The following KIRREL3 variants were observed in gnomAD, a reference collection of about 807,000 sequenced individuals.
The protein encoded by KIRREL3 is kin of IRRE-like protein 3.
Under a neutral mutation model 89.7 loss-of-function variants are expected in KIRREL3, and 36 were observed. The ratio of observed to expected loss-of-function variants is 0.40; its 90% CI spans 0.31 to 0.53. KIRREL3 has a LOEUF of 0.53. Ranked by LOEUF, KIRREL3 falls within the 20% of genes least tolerant of loss-of-function variation. The probability of loss-of-function intolerance (pLI) is 0.49; values close to 1 mark genes in which losing one functional copy is unlikely to be tolerated. For synonymous variants in KIRREL3, 445 were observed against 441.4 expected (o/e 1.01, Z -0.10); for missense variants, 864 against 1,056.6 (o/e 0.82, Z 2.53).
At chr11:126,554,032 G>A (rs747264701) in intron 2 of KIRREL3, among the ~76,000 whole-genome samples, 40 of 152,084 alleles carry the variant, frequency 2.6e-4, no homozygotes, top group Non-Finnish European at 4.0e-4. Context: ...CGTGTTGATC[G>A]AATCCAGCAG....
chr11:126,545,500 G>A (rs1290178803), intron 2 of KIRREL3, among the ~76,000 whole-genome samples: 2 of 152,096 alleles, frequency 1.3e-5, no homozygotes, highest in Admixed American at 6.6e-5. Flanking sequence ...GCCAGGCACG[G>A]TGGCCCACGC....
In KIRREL3 at chr11:126,890,822, C is replaced by T. The variant is rs530050690; in HGVS notation, c.55+109633G>A. 5.1e-4 allele frequency among the ~76,000 whole-genome samples: 77 copies of T among 152,220 alleles called. No homozygotes were observed. Among genetic ancestry groups the T allele is most frequent in the Non-Finnish European group, 7.3e-4 (50 of 68,046 alleles). ...GCCCAGCGCTGCCCCAGCATCCTCC[C>T]AACCACTGTCCTCAGCATTGTTTCA... On this transcript the variant is annotated intron_variant, in intron 1 of 16. Coordinates refer to ENST00000525144, the MANE Select transcript of KIRREL3 (RefSeq NM_032531.4). This position sits in a 1 kb window ranked among gnomAD's most constrained non-coding sequence, Gnocchi z 5.1.
At chr11:126,567,393 A>G (rs1940593465) in intron 1 of KIRREL3, among the ~76,000 whole-genome samples, 1 of 152,226 alleles carries the variant, frequency 6.6e-6, no homozygotes, top group African/African-American at 2.4e-5. Flanking sequence ...AGAAGGAACC[A>G]ACTCTACTGA....
rs1164519039 is a variant in KIRREL3 at position 126,955,213 on chromosome 11, C to A, written c.55+45242G>T. ...GGTAACGTGGTAATGAAGGAGATGG[C>A]AAAGTGAAAAGCAAGTTGCTTTAAC... On this transcript the variant is annotated intron_variant, in intron 1 of 16. Transcript: ENST00000525144. The surrounding 1 kb of genome is among the most constrained non-coding windows in gnomAD (Gnocchi z 4.6). 6.6e-6 allele frequency among the ~76,000 whole-genome samples: 1 copy of A among 152,184 alleles called. No individual in the cohort carries two copies. Among genetic ancestry groups the A allele is most frequent in the Non-Finnish European group, 1.5e-5 (1 of 68,024 alleles).
In KIRREL3 at chr11:126,946,808, G is replaced by T. The variant is rs573320166; in HGVS notation, c.55+53647C>A. Among the ~76,000 whole-genome samples the T allele has an allele frequency of 6.6e-6, 1 of 152,126 alleles. No individual in the cohort carries two copies. The highest frequency in any genetic ancestry group is 1.9e-4 in the East Asian group (1 of 5,192). On this transcript the variant is annotated intron_variant, in intron 1 of 16. Transcript: ENST00000525144. This position sits in a 1 kb window ranked among gnomAD's most constrained non-coding sequence, Gnocchi z 4.1. ...AGGTTTTGTTGCAATTTATCTTCAC[G>T]AAACAACCATATAAGTAGATATCAT...
rs1958083726 is a variant in KIRREL3 at position 126,508,025 on chromosome 11, G to A, written c.433+13290C>T. On this transcript the variant is annotated intron_variant, in intron 4 of 16. Transcript: ENST00000525144. The surrounding 1 kb of genome is among the most constrained non-coding windows in gnomAD (Gnocchi z 4.9). ...GGGGAAGGGAGCAGTGGGATTGGGG[G>A]TAGGGCAGAGATAGTCCTTCCTGGG... 6.6e-6 allele frequency among the ~76,000 whole-genome samples: 1 copy of A among 152,182 alleles called. No individual in the cohort carries two copies. The highest frequency in any genetic ancestry group is 2.1e-4 in the South Asian group (1 of 4,832).
intron 4 of KIRREL3, among the ~76,000 whole-genome samples, chr11:126,483,283 A>AT (rs1228419241): frequency 6.6e-6 from 1 of 152,240 alleles, no homozygotes; most frequent in Admixed American, 6.5e-5. Context: ...AAGCCTACAA[A>AT]TACACAATTT....
At chr11:126,770,619 C>T (rs1949990839) in intron 1 of KIRREL3, among the ~76,000 whole-genome samples, 1 of 152,102 alleles carries the variant, frequency 6.6e-6, no homozygotes, top group Admixed American at 6.5e-5. Context: ...TTTGAGTGAC[C>T]TGATATTTCC....
Position 126,739,168 on chromosome 11 carries a change from T to C in KIRREL3, c.56-176256A>G, listed in dbSNP as rs1366853514. Among the ~76,000 whole-genome samples, 1 of 152,102 alleles carries C rather than the reference T, an allele frequency of 6.6e-6. No individual in the cohort carries two copies. The highest frequency in any genetic ancestry group is 1.5e-5 in the Non-Finnish European group (1 of 68,040). ...CTGTTCTGGCTCCAAAGCCAAACCC[T>C]TCCACCCGTTCCGTGCTATTGTTGG... On this transcript the variant is annotated intron_variant, in intron 1 of 16. Coordinates refer to ENST00000525144, the MANE Select transcript of KIRREL3 (RefSeq NM_032531.4). The surrounding 1 kb of genome is among the most constrained non-coding windows in gnomAD (Gnocchi z 5.5).
In KIRREL3 at chr11:126,772,428, A is replaced by G. The variant is rs922155065; in HGVS notation, c.56-209516T>C. On this transcript the variant is annotated intron_variant, in intron 1 of 16. Coordinates refer to ENST00000525144, the MANE Select transcript of KIRREL3 (RefSeq NM_032531.4). The surrounding 1 kb of genome is among the most constrained non-coding windows in gnomAD (Gnocchi z 4.6). ...GCGGGGATGGCTTATAATTTGAGGGAGACGTTTGGGAGGAGGATGCTTCAG... is the reference window on the plus strand; with the variant it reads ...GCGGGGATGGCTTATAATTTGAGGGGGACGTTTGGGAGGAGGATGCTTCAG... Among the ~76,000 whole-genome samples, 7 of 152,024 alleles carry G rather than the reference A, an allele frequency of 4.6e-5. No homozygotes were observed. The highest frequency in any genetic ancestry group is 1.7e-4 in the African/African-American group (7 of 41,386).
At chr11:126,538,995 A>G (rs910615465) in intron 2 of KIRREL3, among the ~76,000 whole-genome samples, 1 of 152,242 alleles carries the variant, frequency 6.6e-6, no homozygotes, top group African/African-American at 2.4e-5. Flanking sequence ...AATGGGGAAC[A>G]GCTTACGTCA....
At position 126,748,283 on chromosome 11, in the gene KIRREL3, C is replaced by T. The variant is rs933338987; in HGVS notation, c.56-185371G>A. Among the ~76,000 whole-genome samples, 3 of 152,154 alleles carry T rather than the reference C, an allele frequency of 2.0e-5. No individual in the cohort carries two copies. The highest frequency in any genetic ancestry group is 2.9e-5 in the Non-Finnish European group (2 of 68,028). On this transcript the variant is annotated intron_variant, in intron 1 of 16. Coordinates refer to ENST00000525144, the MANE Select transcript of KIRREL3 (RefSeq NM_032531.4). This position sits in a 1 kb window ranked among gnomAD's most constrained non-coding sequence, Gnocchi z 4.6. ...TTTTACTCCCTTGCCCAGGCTTCAG[C>T]GGCAGAAGACAGTGTAAGCCCCAGG...
At position 126,491,838 on chromosome 11, in the gene KIRREL3, A is replaced by C. The variant is rs1957524923; in HGVS notation, c.434-18372T>G. The stretch of plus-strand genomic sequence containing the variant: ...TGCCTCAGCTGCCTGAGTAGCTGGG[A>C]CTACAGGCGCGCACCACCATGCCTG... On this transcript the variant is annotated intron_variant, in intron 4 of 16. Transcript: ENST00000525144. This position sits in a 1 kb window ranked among gnomAD's most constrained non-coding sequence, Gnocchi z 5.5. Among the ~76,000 whole-genome samples, 1 of 152,024 alleles carries C rather than the reference A, an allele frequency of 6.6e-6. No homozygotes were observed. The highest frequency in any genetic ancestry group is 1.5e-5 in the Non-Finnish European group (1 of 68,008).
chr11:126,726,933 C>G (rs1948408385), intron 1 of KIRREL3, among the ~76,000 whole-genome samples: 1 of 152,240 alleles, frequency 6.6e-6, no homozygotes, highest in African/African-American at 2.4e-5. Context: ...GGTTCTACCT[C>G]TCACTCACTC....
chr11:126,629,234 A>T (rs1001853333), intron 1 of KIRREL3, among the ~76,000 whole-genome samples: 3 of 151,892 alleles, frequency 2.0e-5, no homozygotes, highest in African/African-American at 4.8e-5. Context: ...TTTGACAGGG[A>T]CTGTGCACAT....
rs1202813047 is a variant in KIRREL3 at position 126,965,327 on chromosome 11, T to G, written c.55+35128A>C. Among the ~76,000 whole-genome samples the G allele has an allele frequency of 3.3e-5, 5 of 152,204 alleles. No individual in the cohort carries two copies. Among genetic ancestry groups the G allele is most frequent in the African/African-American group, 9.6e-5 (4 of 41,458 alleles). ...TATTTACAGAGATGCTTTTCGGCAT[T>G]TACCCATGATAAACTCTACCTTTGG... On this transcript the variant is annotated intron_variant, in intron 1 of 16. Coordinates refer to ENST00000525144, the MANE Select transcript of KIRREL3 (RefSeq NM_032531.4). This position sits in a 1 kb window ranked among gnomAD's most constrained non-coding sequence, Gnocchi z 4.4.
Position 126,795,639 on chromosome 11 carries a change from C to T in KIRREL3, c.55+204816G>A, listed in dbSNP as rs1950783839. On this transcript the variant is annotated intron_variant, in intron 1 of 16. Coordinates refer to ENST00000525144, the MANE Select transcript of KIRREL3 (RefSeq NM_032531.4). This position sits in a 1 kb window ranked among gnomAD's most constrained non-coding sequence, Gnocchi z 4.1. ...CCTCAGGTGATCCACCCTCCTCGGC[C>T]TCCCCAAGTGCCAGGATTACAGGAG... Among the ~76,000 whole-genome samples, 1 of 152,170 alleles carries T rather than the reference C, an allele frequency of 6.6e-6. No homozygotes were observed. Among genetic ancestry groups the T allele is most frequent in the South Asian group, 2.1e-4 (1 of 4,820 alleles).
chr11:126,738,598 A>G (rs1271344769), intron 1 of KIRREL3, among the ~76,000 whole-genome samples: 1 of 152,104 alleles, frequency 6.6e-6, no homozygotes, highest in Non-Finnish European at 1.5e-5. Flanking sequence ...AATTAATAGC[A>G]CTTAATCTGT....
At chr11:126,972,205 G>GAGAGAGAGAGAGAGC (rs1949445226) in intron 1 of KIRREL3, among the ~76,000 whole-genome samples, 1 of 40,992 alleles carries the variant, frequency 2.4e-5, no homozygotes, top group African/African-American at 6.2e-5. Context: ...AGAGAGAGAG[G>GAGAGAGAGAGAGAGC]ACTGTGCATA....
Sources: allele counts gnomAD v4.1 joint callset (sites outside exome capture counted in the v4.1 genomes callset), GRCh38; gene constraint gnomAD v4.1.1; non-coding constraint Gnocchi (gnomAD v3.1); transcripts MANE v1.5; gene names NCBI Gene and HGNC (gene_info 2026-07-23, HGNC 2026-07-21).